JCAD: variants seen among roughly 807,000 people sequenced by gnomAD.
The protein encoded by JCAD is junctional cadherin 5 associated, also known as junctional cadherin 5-associated protein.
In JCAD, 40 loss-of-function variants were observed where a neutral mutation model predicts 98.0. That is an observed-to-expected ratio of 0.41 (90% CI 0.32 to 0.53). The LOEUF (loss-of-function observed/expected upper bound fraction) is 0.53. Ranked by LOEUF, JCAD falls within the 20% of genes least tolerant of loss-of-function variation. The pLI is 0.31. For missense variants in JCAD, 1,705 were observed against 1,738.1 expected, an observed-to-expected ratio of 0.98 and a Z score of 0.34; for synonymous variants, 691 against 682.3, an observed-to-expected ratio of 1.01 and a Z score of -0.20.
At chr10:30,106,446 G>A (rs11814166) in intron 1 of JCAD, among the ~76,000 whole-genome samples, 126 of 151,794 alleles carry the variant, frequency 8.3e-4, no homozygotes, top group African/African-American at 2.7e-3. Context: ...AAAGTACAAC[G>A]CAAAAAGGCA....
chr10:30,029,797 T>C lies in JCAD; in HGVS notation c.351A>G (p.Arg117=). The C allele has an allele frequency of 6.2e-7, 1 of 1,614,174 alleles. No homozygotes were observed. Among genetic ancestry groups the C allele is most frequent in the Non-Finnish European group, 8.5e-7 (1 of 1,180,040 alleles). The stretch of plus-strand genomic sequence containing the variant: ...GGCTCCTGGCTTCTTGCCGTCCTCT[T>C]CTCCGGTAGGCTTGGTCGTTACCAG... ...PPTGNDQAYR[R]RGRQEARSQK... The change falls in exon 3 of 4, where the codon AGA becomes AGG. Residue 117 remains arginine (R), a synonymous_variant. Coordinates refer to ENST00000375377, the MANE Select transcript of JCAD (RefSeq NM_020848.4).
At chr10:30,056,993 G>A (rs938664202) in intron 1 of JCAD, among the ~76,000 whole-genome samples, 3 of 152,144 alleles carry the variant, frequency 2.0e-5, no homozygotes, top group Non-Finnish European at 2.9e-5. Flanking sequence ...TAATGAGAGA[G>A]ATAACCCTTC....
At chr10:30,076,451 G>A (rs541834009) in intron 1 of JCAD, among the ~76,000 whole-genome samples, 52 of 152,166 alleles carry the variant, frequency 3.4e-4, no homozygotes, top group Non-Finnish European at 6.5e-4. Flanking sequence ...GAAACCACAG[G>A]TGAAACTGAT....
chr10:30,088,244 T>G (rs886242242), intron 1 of JCAD, among the ~76,000 whole-genome samples: 2 of 152,220 alleles, frequency 1.3e-5, no homozygotes, highest in Non-Finnish European at 1.5e-5. Context: ...TCAGTCTGAC[T>G]GTTGATCCAG....
In JCAD at chr10:30,049,006, A is replaced by G. The variant is rs183480360; in HGVS notation, c.-59-1135T>C. Among the ~76,000 whole-genome samples, 687 of 152,334 alleles carry G rather than the reference A, an allele frequency of 4.5e-3. 10 individuals are homozygous for G. The South Asian group carries it at 0.05, about 11-fold the overall frequency. ...ACAGCAGCAACTTCCTCCAGTGTAA[A>G]CTGCACAAAACAAGAGTACCCACAA... On this transcript the variant is annotated intron_variant, in intron 1 of 3. Transcript: ENST00000375377.
intron 1 of JCAD, among the ~76,000 whole-genome samples, chr10:30,097,037 A>T (rs1838380353): frequency 6.6e-6 from 1 of 152,154 alleles, no homozygotes; most frequent in East Asian, 1.9e-4. Flanking sequence ...CTGTCAAATG[A>T]TGCTCAACAG....
intron 1 of JCAD, among the ~76,000 whole-genome samples, chr10:30,109,447 A>G (rs989577604): frequency 4.6e-5 from 7 of 152,096 alleles, no homozygotes; most frequent in Non-Finnish European, 8.8e-5. Context: ...TCTTTGATGG[A>G]TGCCTGTGGC....
At chr10:30,098,080 G>A (rs1001812201) in intron 1 of JCAD, among the ~76,000 whole-genome samples, 2 of 152,076 alleles carry the variant, frequency 1.3e-5, no homozygotes, top group Non-Finnish European at 2.9e-5. Flanking sequence ...TCCAGCTGCT[G>A]GTCACGTCTC....
chr10:30,019,094 G>A (rs1437229738), intron 3 of JCAD, among the ~76,000 whole-genome samples: 3 of 152,016 alleles, frequency 2.0e-5, no homozygotes, highest in African/African-American at 4.8e-5. Flanking sequence ...AGTGGCTCAC[G>A]GCTGTAATCC....
intron 1 of JCAD, among the ~76,000 whole-genome samples, chr10:30,087,208 C>T (rs527959456): frequency 5.9e-5 from 9 of 152,148 alleles, no homozygotes; most frequent in Admixed American, 3.9e-4. Context: ...TTTGGGAGGC[C>T]GAGGCGGGCG....
chr10:30,035,578 G>A (rs983301876), intron 2 of JCAD, among the ~76,000 whole-genome samples: 1 of 152,200 alleles, frequency 6.6e-6, no homozygotes, highest in African/African-American at 2.4e-5. Context: ...GCTATAGGAC[G>A]CCCATTACCA....
rs57450219 is a variant in JCAD at position 30,082,851 on chromosome 10, CAAAAAAAAAA to C, written n.129-13040_129-13031del. Among the ~76,000 whole-genome samples the C allele has an allele frequency of 4.6e-3, 312 of 68,412 alleles. 1 individual carries two copies. The highest frequency in any genetic ancestry group is 0.016 in the African/African-American group (290 of 17,882). 44.9% of individuals were successfully genotyped at this position (68,412 alleles called of 152,430 possible). A position where few individuals can be genotyped will look rare whatever the true frequency, so the allele number is the denominator to read the frequency against. ...GGGCAACAAGAGTGAAACTCTGTCT[CAAAAAAAAAA>C]AAAAAAAAAAAAAAAACAAAAAATT... is the stretch of plus-strand genomic sequence containing the variant. On this transcript the variant is annotated intron_variant and non_coding_transcript_variant, in intron 1 of 2. Transcript: ENST00000465712.
At chr10:30,089,946 G>T (rs1838234912) in intron 1 of JCAD, among the ~76,000 whole-genome samples, 1 of 152,108 alleles carries the variant, frequency 6.6e-6, no homozygotes, top group East Asian at 1.9e-4. Flanking sequence ...TGGTGAAAAT[G>T]GTCAAAAAGA....
chr10:30,023,934 C>A (rs1836722364), intron 3 of JCAD, among the ~76,000 whole-genome samples: 1 of 152,132 alleles, frequency 6.6e-6, no homozygotes, highest in African/African-American at 2.4e-5. Flanking sequence ...ATAATTGAGG[C>A]AGGAGGATTG....
intron 1 of JCAD, among the ~76,000 whole-genome samples, chr10:30,078,394 GT>G (rs1164860151): frequency 3.9e-5 from 6 of 152,060 alleles, no homozygotes; most frequent in Non-Finnish European, 8.8e-5. Flanking sequence ...AGGATGAAGG[GT>G]TTCTTTCTTT....
At chr10:30,088,235 CAGTCTGA>C (rs1838197465) in intron 1 of JCAD, among the ~76,000 whole-genome samples, 2 of 152,164 alleles carry the variant, frequency 1.3e-5, no homozygotes, top group Non-Finnish European at 2.9e-5. Context: ...AATAGGAAGT[CAGTCTGA>C]CTGTTGATCC....
rs747076523 is a variant in JCAD, at chr10:30,014,619, G to A, written c.*3264C>T. The A allele has an allele frequency of 7.2e-5, 11 of 152,188 alleles. No homozygotes were observed. Among genetic ancestry groups the A allele is most frequent in the Non-Finnish European group, 1.5e-4 (10 of 68,026 alleles). The allele number at this position is 152,188 out of a possible 1,614,324, so 9.4% of individuals were successfully genotyped here. ...TTCTATCAGCCCCTTTTGCCTCCGA[G>A]TTGGGAAAGTAGTTGTTTCAACAGA... On this transcript the variant is annotated 3_prime_UTR_variant, in exon 4 of 4. Transcript: ENST00000375377.
chr10:30,044,825 T>TAAA, intron 2 of JCAD: 3 of 906,530 alleles, frequency 3.3e-6, no homozygotes, highest in Non-Finnish European at 3.9e-6. Context: ...ATTGGGCACC[T>TAAA]AAAAAAAAAA....
intron 3 of JCAD, among the ~76,000 whole-genome samples, chr10:30,019,357 CAAAAAAAA>C (rs58164754): frequency 1.0e-5 from 1 of 100,308 alleles, no homozygotes; most frequent in Non-Finnish European, 2.0e-5. Flanking sequence ...AACTCTGTCT[CAAAAAAAA>C]AAAAAAAAAA....
Sources: allele counts gnomAD v4.1 joint callset (sites outside exome capture counted in the v4.1 genomes callset), GRCh38; gene constraint gnomAD v4.1.1; transcripts MANE v1.5; gene names NCBI Gene and HGNC (gene_info 2026-07-23, HGNC 2026-07-21).